OVCH1: variants seen among roughly 807,000 people sequenced by gnomAD.
OVCH1 encodes the protein ovochymase-1.
In OVCH1, 139 loss-of-function variants were observed where a neutral mutation model predicts 138.4. The ratio of observed to expected loss-of-function variants is 1.00; its 90% confidence interval spans 0.87 to 1.16. The LOEUF (loss-of-function observed/expected upper bound fraction) is 1.16, where lower values mean the gene tolerates loss of function less well. Among genes scored for constraint, OVCH1 ranks in the 50% most tolerant of loss-of-function variants. OVCH1 has a pLI of 0.00. For synonymous variants in OVCH1, 453 were observed against 467.8 expected (o/e 0.97, Z 0.41); for missense variants, 1,367 against 1,357.9 (o/e 1.01, Z -0.11).
intron 21 of OVCH1, among the ~76,000 whole-genome samples, chr12:29,452,551 T>TA (rs1401241929): frequency 6.6e-6 from 1 of 152,114 alleles, no homozygotes; most frequent in African/African-American, 2.4e-5. Flanking sequence ...GAATGGTGTA[T>TA]AAAACAAAAA....
intron 27 of OVCH1, among the ~76,000 whole-genome samples, chr12:29,428,033 C>CTGA (rs1399160653): frequency 6.6e-6 from 1 of 152,184 alleles, no homozygotes; most frequent in Non-Finnish European, 1.5e-5. Flanking sequence ...AGAACCTGGT[C>CTGA]TGATGCTCGC....
exon 14 of OVCH1, chr12:29,475,117 C>G: frequency 6.3e-7 from 1 of 1,574,992 alleles, no homozygotes; most frequent in Non-Finnish European, 8.6e-7. Flanking sequence ...TTTACCATCA[C>G]TTTTAAAGTA....
chr12:29,496,362 C>G, intron 2 of OVCH1, 84 bp from the exon 3 acceptor site: 3 of 1,252,670 alleles, frequency 2.4e-6, no homozygotes, highest in Non-Finnish European at 3.4e-6. Context: ...ATCAACTTTT[C>G]TAATCTGACA....
intron 26 of OVCH1, among the ~76,000 whole-genome samples, chr12:29,436,553 G>A (rs1313099707): frequency 6.6e-6 from 1 of 152,196 alleles, no homozygotes; most frequent in Non-Finnish European, 1.5e-5. Context: ...TGGTCTTGCT[G>A]ACTTCAAGAA....
At chr12:29,455,483 A>G in intron 19 of OVCH1, 78 bp from the exon 20 acceptor site, 1 of 1,421,900 alleles carries the variant, frequency 7.0e-7, no homozygotes, top group Non-Finnish European at 9.5e-7. Context: ...AACAAGAATG[A>G]CCAATAATGT....
At chr12:29,497,638 G>A (rs1041817476) in exon 1 of OVCH1, 1 of 1,613,940 alleles carries the variant, frequency 6.2e-7, no homozygotes. Flanking sequence ...CTTCTGGGGT[G>A]GCCGATGACC....
chr12:29,437,904 T>C (rs927719248), intron 26 of OVCH1, among the ~76,000 whole-genome samples: 4 of 152,152 alleles, frequency 2.6e-5, no homozygotes, highest in African/African-American at 9.7e-5. Context: ...AAGTCAAAGG[T>C]ATCTAGGTTC....
intron 5 of OVCH1, 95 bp from the exon 6 acceptor site, chr12:29,489,866 T>C: frequency 7.6e-7 from 1 of 1,310,732 alleles, no homozygotes; most frequent in Non-Finnish European, 1.1e-6. Context: ...AAACAGATTT[T>C]TAACCACATG....
At chr12:29,491,057 A>T (rs1943259020) in intron 5 of OVCH1, 40 bp downstream of exon 5, 1 of 1,509,938 alleles carries the variant, frequency 6.6e-7, no homozygotes. Flanking sequence ...GGACATACAG[A>T]GAGCTGGAAG....
chr12:29,476,755 G>GCGCGCGCGCACACACACACACA (rs1264497944), intron 12 of OVCH1, among the ~76,000 whole-genome samples: 1 of 103,342 alleles, frequency 9.7e-6, no homozygotes, highest in African/African-American at 3.8e-5. Context: ...ACACACGCGC[G>GCGCGCGCGCACACACACACACA]CACACACACA....
At chr12:29,424,711 GATA>G (rs1235166796), downstream of OVCH1, among the ~76,000 whole-genome samples, 3 of 152,062 alleles carry the variant, frequency 2.0e-5, no homozygotes, top group Admixed American at 1.3e-4. Context: ...GCAAAATGGA[GATA>G]ATAACTCCAT....
intron 26 of OVCH1, among the ~76,000 whole-genome samples, chr12:29,436,976 G>A (rs566130432): frequency 8.5e-5 from 13 of 152,272 alleles, no homozygotes; most frequent in South Asian, 2.1e-4. Context: ...ATCTGGCCCC[G>A]CCCACATCCT....
At chr12:29,487,478 T>C (rs1485081265) in intron 7 of OVCH1, 2 of 440,584 alleles carry the variant, frequency 4.5e-6, no homozygotes, top group Non-Finnish European at 7.9e-6. Flanking sequence ...CAAAAAGGCA[T>C]CTCATGAAAA....
In OVCH1 at chr12:29,464,639, T is replaced by C. The variant is rs150320508; in HGVS notation, c.1993A>G (p.Ile665Val). 2.4e-4 allele frequency: 393 copies of C among 1,613,578 alleles called. 1 individual carries two copies. In the African/African-American group the frequency reaches 4.2e-3, roughly 17 times the overall value. ...GGAGAGCTTAGTTGTATTAGGGCAA[T>C]GTCAGAGTCATAACTTAGTGTGTTA... is the stretch of plus-strand genomic sequence containing the variant. Residue 665 changes from isoleucine (I) to valine (V), a missense_variant, in exon 18 of 28, where the codon ATT becomes GTT. Transcript: ENST00000318184.
rs777952944 is a variant in OVCH1, at chr12:29,496,171, C to A, written c.281+10G>T. On this transcript the variant is annotated intron_variant, in intron 3 of 27. Coordinates refer to ENST00000318184, the Ensembl canonical transcript of OVCH1. ...CAAGGCCTGACAAGTAATGGAAATC[C>A]ACAACTTACTCACTGAGGCTGTCCA... 3.2e-5 allele frequency: 51 copies of A among 1,593,790 alleles called. No homozygotes were observed. Among genetic ancestry groups the A allele is most frequent in the Non-Finnish European group, 4.2e-5 (49 of 1,167,790 alleles).
At chr12:29,497,560 G>A (rs953347746) in intron 1 of OVCH1, 63 bp downstream of exon 1, 1 of 1,588,166 alleles carries the variant, frequency 6.3e-7, no homozygotes, top group Non-Finnish European at 8.6e-7. Context: ...GAGTAATGAA[G>A]TCTTCCCTCT....
At chr12:29,462,515 A>G (rs1942173735) in intron 18 of OVCH1, among the ~76,000 whole-genome samples, 1 of 151,922 alleles carries the variant, frequency 6.6e-6, no homozygotes, top group African/African-American at 2.4e-5. Flanking sequence ...TAAAGATAAC[A>G]CTGAATAATT....
At chr12:29,434,845 G>A (rs1941330276) in intron 26 of OVCH1, among the ~76,000 whole-genome samples, 1 of 152,142 alleles carries the variant, frequency 6.6e-6, no homozygotes, top group East Asian at 1.9e-4. Flanking sequence ...AAGCCAATTA[G>A]AATAGAGAGC....
downstream of OVCH1, among the ~76,000 whole-genome samples, chr12:29,425,258 T>C (rs1325475275): frequency 6.6e-6 from 1 of 152,210 alleles, no homozygotes; most frequent in African/African-American, 2.4e-5. Context: ...GGTATTTCAT[T>C]GATGACTTAG....
Sources: allele counts gnomAD v4.1 joint callset (sites outside exome capture counted in the v4.1 genomes callset), GRCh38; gene constraint gnomAD v4.1.1; transcripts MANE v1.5; gene names NCBI Gene and HGNC (gene_info 2026-07-23, HGNC 2026-07-21).